ELAVL2: variants seen among roughly 807,000 people sequenced by gnomAD.
ELAVL2 encodes the protein ELAV like RNA binding protein 2, also known as ELAV-like protein 2.
In ELAVL2, 4 loss-of-function variants were observed where a neutral mutation model predicts 34.6. The ratio of observed to expected loss-of-function variants is 0.12; its 90% confidence interval spans 0.06 to 0.26. The LOEUF is 0.26. Among genes scored for constraint, ELAVL2 ranks in the 10% least tolerant of loss-of-function variants. ELAVL2 has a pLI of 1.00. For missense variants in ELAVL2, 432 were observed against 442.8 expected (o/e 0.98, Z 0.22); for synonymous variants, 193 against 154.8 (o/e 1.25, Z -1.83).
intron 1 of ELAVL2, among the ~76,000 whole-genome samples, chr9:23,805,587 T>C (rs1189117238): frequency 6.6e-6 from 1 of 152,202 alleles, no homozygotes; most frequent in Admixed American, 6.5e-5. Flanking sequence ...TGTGTACCCA[T>C]GCACGAGCAT....
At chr9:23,705,401 T>G (rs2038978059) in intron 3 of ELAVL2, among the ~76,000 whole-genome samples, 1 of 152,178 alleles carries the variant, frequency 6.6e-6, no homozygotes, top group Non-Finnish European at 1.5e-5. Context: ...TTTGCGGAGG[T>G]ATAGTGATTC....
At chr9:23,768,094 C>T (rs538848006) in intron 1 of ELAVL2, among the ~76,000 whole-genome samples, 1 of 152,246 alleles carries the variant, frequency 6.6e-6, no homozygotes, top group African/African-American at 2.4e-5. Context: ...AACAATGTTC[C>T]CAGGTAGACT....
At chr9:23,703,125 A>C (rs1386517399) in intron 4 of ELAVL2, among the ~76,000 whole-genome samples, 1 of 152,104 alleles carries the variant, frequency 6.6e-6, no homozygotes, top group African/African-American at 2.4e-5. Context: ...AGGGTTCCAG[A>C]AGACTGCTGA....
At chr9:23,807,619 C>A (rs1445249331) in intron 1 of ELAVL2, among the ~76,000 whole-genome samples, 1 of 151,904 alleles carries the variant, frequency 6.6e-6, no homozygotes, top group African/African-American at 2.4e-5. Context: ...GGAAGGAACA[C>A]AATATGGTAA....
chr9:23,717,658 AG>A (rs1170727528), intron 3 of ELAVL2, among the ~76,000 whole-genome samples: 4 of 152,154 alleles, frequency 2.6e-5, no homozygotes, highest in Non-Finnish European at 5.9e-5. Context: ...ATCAACACAG[AG>A]GCCTCTAGAC....
At chr9:23,769,823 C>T (rs1225471651) in intron 1 of ELAVL2, among the ~76,000 whole-genome samples, 2 of 152,152 alleles carry the variant, frequency 1.3e-5, no homozygotes, top group African/African-American at 2.4e-5. Flanking sequence ...ATGACTTCTA[C>T]GGACAAAGTA....
At chr9:23,742,122 G>C (rs188253863) in intron 2 of ELAVL2, among the ~76,000 whole-genome samples, 1 of 152,250 alleles carries the variant, frequency 6.6e-6, no homozygotes, top group East Asian at 1.9e-4. Context: ...CAACTCAGCA[G>C]CCTTGAAAGT....
At chr9:23,714,122 C>G (rs530080576) in intron 3 of ELAVL2, among the ~76,000 whole-genome samples, 1 of 152,260 alleles carries the variant, frequency 6.6e-6, no homozygotes, top group South Asian at 2.1e-4. Flanking sequence ...GCTCCTAACA[C>G]TTATTGTTTA....
chr9:23,843,390 A>G, the ELAVL2 span, among the ~76,000 whole-genome samples: 1 of 152,118 alleles, frequency 6.6e-6, no homozygotes, highest in African/African-American at 2.4e-5. Flanking sequence ...TGATATTCAC[A>G]CAAAGTACTA....
chr9:23,749,187 A>C (rs2051270643), intron 2 of ELAVL2, among the ~76,000 whole-genome samples: 1 of 152,094 alleles, frequency 6.6e-6, no homozygotes, highest in Admixed American at 6.6e-5. Flanking sequence ...TTTAGAATTA[A>C]TCTGATGACA....
intron 3 of ELAVL2, among the ~76,000 whole-genome samples, chr9:23,726,295 G>C (rs1387261825): frequency 6.6e-6 from 1 of 151,834 alleles, no homozygotes; most frequent in African/African-American, 2.4e-5. Context: ...GTTAAATTGT[G>C]GTTTATTTCA....
At chr9:23,787,899 A>G (rs992548) in intron 1 of ELAVL2, among the ~76,000 whole-genome samples, 26,276 of 152,132 alleles carry the variant, frequency 0.17, 2,752 homozygotes, top group South Asian at 0.28. Flanking sequence ...CAGCTTTTAG[A>G]GGGCAAACAG....
upstream of ELAVL2, among the ~76,000 whole-genome samples, chr9:23,827,216 T>C (rs80354703): frequency 7.5e-3 from 1,148 of 152,340 alleles, 8 homozygotes; most frequent in Middle Eastern, 0.041. Flanking sequence ...GCAAAGATAG[T>C]TGAACCTTTA....
At chr9:23,845,615 TAAAA>T in the ELAVL2 span, among the ~76,000 whole-genome samples, 2 of 149,002 alleles carry the variant, frequency 1.3e-5, no homozygotes, top group African/African-American at 4.9e-5. Flanking sequence ...TTATCTGACT[TAAAA>T]AAAAAATCTA....
At chr9:23,749,334 T>C (rs1321271759) in intron 2 of ELAVL2, among the ~76,000 whole-genome samples, 5 of 152,080 alleles carry the variant, frequency 3.3e-5, no homozygotes, top group African/African-American at 1.2e-4. Context: ...CTACATACTA[T>C]CCATACCTAA....
At chr9:23,753,811 G>A (rs1335560871) in intron 2 of ELAVL2, among the ~76,000 whole-genome samples, 1 of 152,074 alleles carries the variant, frequency 6.6e-6, no homozygotes, top group Non-Finnish European at 1.5e-5. Context: ...AACAGCACAC[G>A]TGCACTCTTA....
chr9:23,790,221 G>A (rs1172018913), intron 1 of ELAVL2, among the ~76,000 whole-genome samples: 1 of 152,016 alleles, frequency 6.6e-6, no homozygotes, highest in Non-Finnish European at 1.5e-5. Flanking sequence ...AGAGAGATGA[G>A]ACAGAAAATC....
rs539230358 is a variant in ELAVL2, at chr9:23,793,602, A to G, written c.-15-31353T>C. On this transcript the variant is annotated intron_variant, in intron 1 of 6. Transcript: ENST00000397312. ...CCCTATCATTCCTCCAAAGAACATC[A>G]TAACAAGCCTCTTCAACACTCTCTT... Among the ~76,000 whole-genome samples the G allele has an allele frequency of 3.7e-4, 56 of 152,290 alleles. No homozygotes were observed. The Middle Eastern group carries it at 0.01, about 28-fold the overall frequency.
intron 1 of ELAVL2, among the ~76,000 whole-genome samples, chr9:23,789,934 AG>A (rs1408262715): frequency 6.6e-6 from 1 of 152,142 alleles, no homozygotes; most frequent in Non-Finnish European, 1.5e-5. Flanking sequence ...GGACACTCAG[AG>A]GTAAGGTAAG....
Sources: gnomAD v4.1 joint callset for allele counts (sites outside exome capture counted in the v4.1 genomes callset) on GRCh38, gnomAD v4.1.1 for gene constraint, MANE v1.5 for transcripts, NCBI Gene and HGNC (gene_info 2026-07-23, HGNC 2026-07-21) for gene names.